ARHGAP44: variants seen among roughly 807,000 people sequenced by gnomAD.
The protein encoded by ARHGAP44 is Rho GTPase activating protein 44.
A neutral mutation model predicts 106.8 loss-of-function variants in ARHGAP44; 43 were observed. That is an observed-to-expected ratio of 0.40 (90% CI 0.32 to 0.52). The LOEUF is 0.52. Among genes scored for constraint, ARHGAP44 ranks in the 20% least tolerant of loss-of-function variants. ARHGAP44 has a pLI of 0.48. For synonymous variants in ARHGAP44, 439 were observed against 410.3 expected, an observed-to-expected ratio of 1.07 and a Z score of -0.85; for missense variants, 866 against 1,050.5, an observed-to-expected ratio of 0.82 and a Z score of 2.43.
intron 5 of ARHGAP44, among the ~76,000 whole-genome samples, chr17:12,918,560 C>A (rs1325611494): frequency 6.6e-6 from 1 of 152,078 alleles, no homozygotes; most frequent in Non-Finnish European, 1.5e-5. Flanking sequence ...GAACTCGTAG[C>A]CGAGAAAAGC....
intron 1 of ARHGAP44, among the ~76,000 whole-genome samples, chr17:12,854,842 C>T (rs895676827): frequency 1.9e-4 from 29 of 151,758 alleles, no homozygotes; most frequent in Non-Finnish European, 3.5e-4. Flanking sequence ...CCTGTAATCT[C>T]AGCTACTTGG....
intron 1 of ARHGAP44, among the ~76,000 whole-genome samples, chr17:12,821,843 G>A (rs1289176500): frequency 6.6e-6 from 1 of 152,076 alleles, no homozygotes; most frequent in South Asian, 2.1e-4. Context: ...TAGATCAACC[G>A]ACTTCCTATA....
chr17:12,815,957 G>A (rs1324079345), intron 1 of ARHGAP44, among the ~76,000 whole-genome samples: 8 of 152,146 alleles, frequency 5.3e-5, no homozygotes, highest in Admixed American at 6.5e-5. Context: ...GTTGGTGGAA[G>A]GTCAAATGCT....
intron 16 of ARHGAP44, among the ~76,000 whole-genome samples, chr17:12,959,782 G>T (rs962296432): frequency 6.6e-6 from 1 of 152,218 alleles, no homozygotes; most frequent in Admixed American, 6.5e-5. Flanking sequence ...TGTAGCAAGT[G>T]CTCCTTTAGG....
At chr17:12,828,730 C>G (rs967062435) in intron 1 of ARHGAP44, among the ~76,000 whole-genome samples, 2 of 149,876 alleles carry the variant, frequency 1.3e-5, no homozygotes, top group African/African-American at 2.5e-5. Context: ...CAAGCTCCAC[C>G]TCCCGGGTTC....
At chr17:12,929,963 G>A (rs1245680549) in intron 7 of ARHGAP44, among the ~76,000 whole-genome samples, 1 of 152,162 alleles carries the variant, frequency 6.6e-6, no homozygotes, top group African/African-American at 2.4e-5. Context: ...GCATTCAGGT[G>A]ACATTCAGAA....
intron 1 of ARHGAP44, among the ~76,000 whole-genome samples, chr17:12,875,103 C>G (rs554491661): frequency 6.6e-6 from 1 of 152,086 alleles, no homozygotes; most frequent in Non-Finnish European, 1.5e-5. Context: ...TTAGAATCAT[C>G]TGGAGGGTTG....
chr17:12,991,559 G>A lies in ARHGAP44; in HGVS notation c.*1388G>A, dbSNP rs2040151709. On this transcript the variant is annotated 3_prime_UTR_variant, in exon 21 of 21. Coordinates refer to ENST00000379672, the MANE Select transcript of ARHGAP44 (RefSeq NM_014859.6). ...TTTGTAATGGGAGTCTGGGGTAAGG[G>A]TGGGGGTTGAAAGTTGTTATCTTTA... is the stretch of plus-strand genomic sequence containing the variant. 5.6e-6 allele frequency: 1 copy of A among 177,548 alleles called. No individual in the cohort carries two copies. The allele number at this position is 177,548 out of a possible 1,614,324, so 11.0% of individuals were successfully genotyped here.
intron 4 of ARHGAP44, among the ~76,000 whole-genome samples, chr17:12,913,239 AT>A (rs967680817): frequency 6.6e-6 from 1 of 151,718 alleles, no homozygotes; most frequent in Non-Finnish European, 1.5e-5. Flanking sequence ...ATGAGGTTTA[AT>A]TTTTTTTTAA....
chr17:12,860,438 C>G (rs1196272306), intron 1 of ARHGAP44, among the ~76,000 whole-genome samples: 2 of 152,180 alleles, frequency 1.3e-5, no homozygotes, highest in Non-Finnish European at 2.9e-5. Context: ...GGTGTTTCCT[C>G]TTTCTTCAAA....
chr17:12,862,035 C>A lies in ARHGAP44; in HGVS notation c.54-32905C>A, dbSNP rs190101935. ...TGTCTATCTGAACCATCTTCAAAGT[C>A]TCCTTTGCCATGTAAGGTAACATAT... On this transcript the variant is annotated intron_variant, in intron 1 of 20. Coordinates refer to ENST00000379672, the MANE Select transcript of ARHGAP44 (RefSeq NM_014859.6). Among the ~76,000 whole-genome samples, 80 of 152,238 alleles carry A rather than the reference C, an allele frequency of 5.3e-4. 1 individual carries two copies. The highest frequency in any genetic ancestry group is 5.2e-3 in the Admixed American group (80 of 15,294).
rs1323402947 is a variant in ARHGAP44, at chr17:12,983,188, C to G, written c.1940-1343C>G. 2.0e-5 allele frequency among the ~76,000 whole-genome samples: 3 copies of G among 149,632 alleles called. No individual in the cohort carries two copies. In the East Asian group the frequency reaches 6.0e-4, roughly 30 times the overall value. On this transcript the variant is annotated intron_variant, in intron 19 of 20. Transcript: ENST00000379672. ...GCTGAGGCAGGAGAATGGCATGAAC[C>G]CGGGAGGCGGAGTTTGCAGAGAGCC...
In ARHGAP44 at chr17:12,954,252, G is replaced by T. The variant is rs191656015; in HGVS notation, c.1137-1615G>T. On this transcript the variant is annotated intron_variant, in intron 13 of 20. Coordinates refer to ENST00000379672, the MANE Select transcript of ARHGAP44 (RefSeq NM_014859.6). The stretch of plus-strand genomic sequence containing the variant: ...AGCTAGGGAAGATGAAAACATTCAG[G>T]AAACGGATGGTGGTGACAGGTTCAT... 2.0e-5 allele frequency among the ~76,000 whole-genome samples: 3 copies of T among 152,252 alleles called. No homozygotes were observed. The East Asian group carries it at 5.8e-4, about 29-fold the overall frequency.
chr17:12,850,689 C>T (rs1167667435), intron 1 of ARHGAP44, among the ~76,000 whole-genome samples: 2 of 152,160 alleles, frequency 1.3e-5, no homozygotes, highest in South Asian at 2.1e-4. Context: ...CCTGGAGTCA[C>T]CAGGATTGAT....
Position 12,946,963 on chromosome 17 carries a change from C to T in ARHGAP44, c.862-2177C>T, listed in dbSNP as rs537782548. 2.6e-5 allele frequency among the ~76,000 whole-genome samples: 4 copies of T among 152,284 alleles called. No homozygotes were observed. The East Asian group carries it at 7.7e-4, about 29-fold the overall frequency. On this transcript the variant is annotated intron_variant, in intron 10 of 20. Coordinates refer to ENST00000379672, the MANE Select transcript of ARHGAP44 (RefSeq NM_014859.6). ...ACTCCATTCCTCAACAGACCTCGCT[C>T]TGTCACTTGCATTTTTTCCCTGTTT...
chr17:12,904,577 C>T (rs2037492214), intron 3 of ARHGAP44, among the ~76,000 whole-genome samples: 1 of 152,126 alleles, frequency 6.6e-6, no homozygotes, highest in African/African-American at 2.4e-5. Context: ...CATCTTCATT[C>T]AATGATCTGT....
chr17:12,877,877 A>G (rs1180404408), intron 1 of ARHGAP44, among the ~76,000 whole-genome samples: 1 of 152,234 alleles, frequency 6.6e-6, no homozygotes, highest in East Asian at 1.9e-4. Flanking sequence ...GGCATCAGAG[A>G]AGTCCTCCTT....
intron 3 of ARHGAP44, among the ~76,000 whole-genome samples, chr17:12,903,402 C>T (rs975167219): frequency 6.6e-6 from 1 of 152,000 alleles, no homozygotes; most frequent in Admixed American, 6.6e-5. Context: ...TTCAGTAGCT[C>T]CTCTTTGGCT....
At position 12,958,691 on chromosome 17, in the gene ARHGAP44, A is replaced by G. The variant is rs1288700226; in HGVS notation, c.1343-26A>G. ...AGGGTGTGGCAGACCAAGAGTTCACATGTACCAATTCTTTCTTCCCCGCAG... is the reference window on the plus strand; with the variant it reads ...AGGGTGTGGCAGACCAAGAGTTCACGTGTACCAATTCTTTCTTCCCCGCAG... On this transcript the variant is annotated intron_variant, in intron 15 of 20. Coordinates refer to ENST00000379672, the MANE Select transcript of ARHGAP44 (RefSeq NM_014859.6). This position sits in a 1 kb window ranked among gnomAD's most constrained non-coding sequence, Gnocchi z 4.1. 6.2e-7 allele frequency: 1 copy of G among 1,610,236 alleles called. No homozygotes were observed. The highest frequency in any genetic ancestry group is 8.5e-7 in the Non-Finnish European group (1 of 1,177,060).
Sources: allele counts gnomAD v4.1 joint callset (sites outside exome capture counted in the v4.1 genomes callset), GRCh38; gene constraint gnomAD v4.1.1; non-coding constraint Gnocchi (gnomAD v3.1); transcripts MANE v1.5; gene names NCBI Gene and HGNC (gene_info 2026-07-23, HGNC 2026-07-21).